The following CSMD2 variants were observed in gnomAD, a reference collection of about 807,000 sequenced individuals.
CSMD2 encodes the protein CUB and Sushi multiple domains 2.
A neutral mutation model predicts 398.5 loss-of-function variants in CSMD2; 130 were observed. That is an observed-to-expected ratio of 0.33 (90% CI 0.28 to 0.38). The LOEUF (loss-of-function observed/expected upper bound fraction) is 0.38, where lower values mean the gene tolerates loss of function less well. Among genes scored for constraint, CSMD2 ranks in the 10% least tolerant of loss-of-function variants. CSMD2 has a pLI of 1.00. For missense variants in CSMD2, 3,829 were observed against 4,764.9 expected (o/e 0.80, Z 5.78); for synonymous variants, 1,828 against 1,908.5 (o/e 0.96, Z 1.10).
rs958726954 is a variant in CSMD2 at position 34,164,517 on chromosome 1, A to G, written c.187+394T>C. Among the ~76,000 whole-genome samples, 2 of 152,074 alleles carry G rather than the reference A, an allele frequency of 1.3e-5. No individual in the cohort carries two copies. Among genetic ancestry groups the G allele is most frequent in the African/African-American group, 2.4e-5 (1 of 41,434 alleles). ...CAGGACCAGCGTGCCTGGCAGAATCAGGAGCCGGGGGAGTAGGGCTCCCGG... is the reference window on the plus strand; with the variant it reads ...CAGGACCAGCGTGCCTGGCAGAATCGGGAGCCGGGGGAGTAGGGCTCCCGG... On this transcript the variant is annotated intron_variant, in intron 1 of 70. Transcript: ENST00000373381. This position sits in a 1 kb window ranked among gnomAD's most constrained non-coding sequence, Gnocchi z 6.2.
chr1:33,724,159 G>A (rs774748557), intron 19 of CSMD2, 38 bp downstream of exon 19: 11 of 1,482,054 alleles, frequency 7.4e-6, no homozygotes, highest in South Asian at 4.5e-5. Context: ...CCCTGACCTC[G>A]TCACATCCCA....
At chr1:34,081,680 G>A (rs1015047180) in intron 2 of CSMD2, among the ~76,000 whole-genome samples, 25 of 152,274 alleles carry the variant, frequency 1.6e-4, no homozygotes, top group African/African-American at 4.3e-4. Flanking sequence ...TCGGCCTCCC[G>A]AGGTGCCTCG....
chr1:34,065,538 C>A (rs1305795620), intron 2 of CSMD2, among the ~76,000 whole-genome samples: 1 of 152,160 alleles, frequency 6.6e-6, no homozygotes, highest in Non-Finnish European at 1.5e-5. Flanking sequence ...GACTTTGGAA[C>A]CAGCAGAGCT....
At chr1:33,868,607 G>A (rs547826376) in intron 5 of CSMD2, among the ~76,000 whole-genome samples, 6 of 152,176 alleles carry the variant, frequency 3.9e-5, no homozygotes, top group African/African-American at 1.2e-4. Context: ...GTGGTGGCAC[G>A]TGCCTGTAAT....
Position 34,081,008 on chromosome 1 carries a change from G to T in CSMD2, c.404+7969C>A, listed in dbSNP as rs1317280028. The stretch of plus-strand genomic sequence containing the variant: ...AGGAGCAGATGTGAGAAAGGGATGT[G>T]ACCCAGACACCATGGAGAAAGAAAG... On this transcript the variant is annotated intron_variant, in intron 2 of 70. Coordinates refer to ENST00000373381, the MANE Select transcript of CSMD2 (RefSeq NM_001281956.2). Among the ~76,000 whole-genome samples the T allele has an allele frequency of 2.0e-5, 3 of 150,618 alleles. No homozygotes were observed. In the Admixed American group the frequency reaches 2.0e-4, roughly 10 times the overall value.
chr1:33,951,925 G>A (rs1285141607), intron 3 of CSMD2, among the ~76,000 whole-genome samples: 1 of 152,172 alleles, frequency 6.6e-6, no homozygotes, highest in Non-Finnish European at 1.5e-5. Flanking sequence ...AAGTACTCTT[G>A]TGATTTTCAT....
At chr1:33,893,055 T>C (rs1204398394) in intron 5 of CSMD2, among the ~76,000 whole-genome samples, 1 of 152,246 alleles carries the variant, frequency 6.6e-6, no homozygotes, top group Non-Finnish European at 1.5e-5. Context: ...AATAAATTGA[T>C]GATGCTTGAT....
chr1:33,922,008 T>C (rs917453416), intron 4 of CSMD2, among the ~76,000 whole-genome samples: 1 of 151,588 alleles, frequency 6.6e-6, no homozygotes, highest in Admixed American at 6.6e-5. Context: ...AATGAGAGGG[T>C]GAAGTCTCCA....
chr1:34,137,059 C>A (rs1412290035), intron 1 of CSMD2, among the ~76,000 whole-genome samples: 6 of 152,042 alleles, frequency 3.9e-5, no homozygotes, highest in Admixed American at 3.9e-4. Flanking sequence ...TTTATCCATC[C>A]CCCCATCTAA....
At chr1:33,792,948 T>C (rs1367315297) in intron 10 of CSMD2, among the ~76,000 whole-genome samples, 2 of 152,236 alleles carry the variant, frequency 1.3e-5, no homozygotes, top group Non-Finnish European at 2.9e-5. Context: ...CTCCTCTGAC[T>C]GCTTTTCTCC....
At chr1:33,888,837 G>A (rs1218503017) in intron 5 of CSMD2, among the ~76,000 whole-genome samples, 4 of 151,758 alleles carry the variant, frequency 2.6e-5, no homozygotes, top group East Asian at 3.9e-4. Context: ...GCGCAATATC[G>A]GCTCACTGCA....
chr1:33,953,997 C>T lies in CSMD2; in HGVS notation c.518-18043G>A, dbSNP rs567586185. ...AATCCCCCATGCTATCATGGTACCT[C>T]GAGCAAGTCCTTTCCCTCCCCAAGA... On this transcript the variant is annotated intron_variant, in intron 3 of 70. Coordinates refer to ENST00000373381, the MANE Select transcript of CSMD2 (RefSeq NM_001281956.2). Among the ~76,000 whole-genome samples, 17 of 152,198 alleles carry T rather than the reference C, an allele frequency of 1.1e-4. No homozygotes were observed. The South Asian group carries it at 3.1e-3, about 28-fold the overall frequency.
chr1:34,127,527 G>T (rs963643920), intron 1 of CSMD2, among the ~76,000 whole-genome samples: 4 of 152,116 alleles, frequency 2.6e-5, no homozygotes, highest in Non-Finnish European at 5.9e-5. Context: ...GCAGAAGCAG[G>T]TAACCACAGG....
intron 5 of CSMD2, among the ~76,000 whole-genome samples, chr1:33,900,419 C>T (rs1051049771): frequency 1.3e-5 from 2 of 152,170 alleles, no homozygotes; most frequent in East Asian, 1.9e-4. Context: ...ATTTCTGGCT[C>T]GGACACTTAC....
rs1005330021 is a variant in CSMD2, at chr1:33,515,600, T to G, written c.*1024A>C. On this transcript the variant is annotated 3_prime_UTR_variant, in exon 71 of 71. Transcript: ENST00000373381. ...AAAGGGGAATAACAAATCCTACATT[T>G]TGGTGTTATTGTGCAGACTAGAAAT... The G allele has an allele frequency of 2.0e-5, 3 of 152,204 alleles. No homozygotes were observed. The highest frequency in any genetic ancestry group is 7.2e-5 in the African/African-American group (3 of 41,444). The allele number at this position is 152,204 out of a possible 1,614,324, so 9.4% of individuals were successfully genotyped here. A position where few individuals can be genotyped will look rare whatever the true frequency, so the allele number is the denominator to read the frequency against.
At position 33,626,556 on chromosome 1, in the gene CSMD2, G is replaced by C; in HGVS notation, c.5226C>G (p.Ser1742=). The change falls in exon 33 of 71, where the codon TCC becomes TCG. Residue 1742 remains serine, a synonymous_variant. Transcript: ENST00000373381. ...HTGESLPLAT[S]NQVLIKFSAK... is the part of the protein sequence containing the mutation. Reference sequence around the variant, plus strand: ...CGCTGAACTTAATGAGAACTTGATTGGAGGTGGCCAAGGGCAGTGATTCTC... The same window carrying C: ...CGCTGAACTTAATGAGAACTTGATTCGAGGTGGCCAAGGGCAGTGATTCTC... The C allele has an allele frequency of 6.2e-7, 1 of 1,605,776 alleles. No homozygotes were observed. The highest frequency in any genetic ancestry group is 2.2e-5 in the East Asian group (1 of 44,684).
chr1:33,712,883 A>T (rs1290218681), intron 21 of CSMD2, among the ~76,000 whole-genome samples: 39 of 152,218 alleles, frequency 2.6e-4, no homozygotes. Context: ...TAGGAGACGG[A>T]GTAAACCCTG....
At position 33,557,840 on chromosome 1, in the gene CSMD2, G is replaced by A; in HGVS notation, c.8637C>T (p.Gly2879=). The A allele has an allele frequency of 6.5e-7, 1 of 1,536,112 alleles. No individual in the cohort carries two copies. The highest frequency in any genetic ancestry group is 8.7e-7 in the Non-Finnish European group (1 of 1,146,904). Residue 2879 remains glycine (G), a synonymous_variant, in exon 55 of 71, where the codon GGC becomes GGT. Transcript: ENST00000373381. ...HASGPHRFSF[G]TTVSYRCNHG... Reference sequence around the variant, plus strand: ...GGTTGCACCGGTAAGACACAGTGGTGCCGAAGCTGAACCTGTGCGGGCCGC... The same window carrying A: ...GGTTGCACCGGTAAGACACAGTGGTACCGAAGCTGAACCTGTGCGGGCCGC...
intron 6 of CSMD2, among the ~76,000 whole-genome samples, chr1:33,831,735 A>G (rs1659591728): frequency 6.6e-6 from 1 of 152,226 alleles, no homozygotes; most frequent in Non-Finnish European, 1.5e-5. Flanking sequence ...TAAAGAGTCA[A>G]GACCCATCAG....
Sources: gnomAD v4.1 joint callset for allele counts (sites outside exome capture counted in the v4.1 genomes callset) on GRCh38, gnomAD v4.1.1 for gene constraint, Gnocchi (gnomAD v3.1) non-coding constraint, MANE v1.5 for transcripts, NCBI Gene and HGNC (gene_info 2026-07-23, HGNC 2026-07-21) for gene names.